Variants in REDIC1 observed in about 807,000 individuals in gnomAD.
REDIC1 encodes the protein HEI10 Interacting Protein 1.
chr12:39,795,242 A>C, the REDIC1 span, among the ~76,000 whole-genome samples: 1 of 151,260 alleles, frequency 6.6e-6, no homozygotes, highest in African/African-American at 2.4e-5. Flanking sequence ...TGTTTCTTTG[A>C]GTTTCATTCA....
At chr12:39,670,037 GGA>G in the REDIC1 span, among the ~76,000 whole-genome samples, 1 of 152,160 alleles carries the variant, frequency 6.6e-6, no homozygotes, top group African/African-American at 2.4e-5. Context: ...GGCTCACTCT[GGA>G]TGCTGCCCCC....
the REDIC1 span, among the ~76,000 whole-genome samples, chr12:39,752,146 A>G: frequency 6.6e-6 from 1 of 152,200 alleles, no homozygotes; most frequent in Non-Finnish European, 1.5e-5. Flanking sequence ...CATGCAGTGT[A>G]TCTTCTAGCG....
the REDIC1 span, among the ~76,000 whole-genome samples, chr12:39,727,139 A>T: frequency 6.6e-6 from 1 of 151,408 alleles, no homozygotes; most frequent in Non-Finnish European, 1.5e-5. Flanking sequence ...TGCTGTGCAG[A>T]AGCTCTTTAG....
chr12:39,686,156 G>A, the REDIC1 span, among the ~76,000 whole-genome samples: 325 of 152,272 alleles, frequency 2.1e-3, no homozygotes, highest in African/African-American at 6.1e-3. Flanking sequence ...GAAGGATGGC[G>A]GTCTTCTTCT....
At chr12:39,776,559 G>A in the REDIC1 span, among the ~76,000 whole-genome samples, 2 of 152,344 alleles carry the variant, frequency 1.3e-5, no homozygotes, top group South Asian at 2.1e-4. Flanking sequence ...TTGAATGACA[G>A]AGAAGCCTGT....
the REDIC1 span, among the ~76,000 whole-genome samples, chr12:39,711,721 GCACA>G: frequency 3.1e-3 from 332 of 105,782 alleles, 19 homozygotes; most frequent in African/African-American, 0.012. Context: ...GCATGTGTAT[GCACA>G]TGCATGTGTG....
the REDIC1 span, among the ~76,000 whole-genome samples, chr12:39,730,078 A>C: frequency 3.3e-5 from 5 of 152,160 alleles, no homozygotes; most frequent in African/African-American, 1.2e-4. Flanking sequence ...AGTCTCCTGA[A>C]TACAGCACAC....
the REDIC1 span, among the ~76,000 whole-genome samples, chr12:39,814,247 T>C: frequency 6.6e-6 from 1 of 152,198 alleles, no homozygotes; most frequent in Non-Finnish European, 1.5e-5. Flanking sequence ...GGAAATGAGC[T>C]ACAGATGTAG....
the REDIC1 span, among the ~76,000 whole-genome samples, chr12:39,845,157 T>G: frequency 6.6e-6 from 1 of 152,192 alleles, no homozygotes; most frequent in East Asian, 1.9e-4. Flanking sequence ...CACGTTGCCT[T>G]TAATATATTT....
chr12:39,628,632 A>T, the REDIC1 span, among the ~76,000 whole-genome samples: 7 of 152,136 alleles, frequency 4.6e-5, no homozygotes, highest in African/African-American at 1.7e-4. Context: ...CAGCAAATAT[A>T]TTTTTTACCT....
At chr12:39,711,530 T>C in the REDIC1 span, among the ~76,000 whole-genome samples, 33 of 136,870 alleles carry the variant, frequency 2.4e-4, no homozygotes, top group African/African-American at 6.6e-4. Context: ...TGTATATGTG[T>C]ATATACATAT....
chr12:39,725,243 C>T, the REDIC1 span, among the ~76,000 whole-genome samples: 1 of 152,062 alleles, frequency 6.6e-6, no homozygotes, highest in Non-Finnish European at 1.5e-5. Context: ...AATTGTCATT[C>T]CAAAATTGTG....
At chr12:39,872,363 G>A in the REDIC1 span, among the ~76,000 whole-genome samples, 6 of 152,178 alleles carry the variant, frequency 3.9e-5, no homozygotes, top group Non-Finnish European at 8.8e-5. Context: ...GTGAATTAAT[G>A]TCCTTAAAAG....
chr12:39,803,564 A>T, the REDIC1 span, among the ~76,000 whole-genome samples: 2 of 152,316 alleles, frequency 1.3e-5, no homozygotes, highest in South Asian at 4.1e-4. Flanking sequence ...ATACATACAC[A>T]CACATACACA....
At chr12:39,658,113 C>T in the REDIC1 span, among the ~76,000 whole-genome samples, 16 of 151,004 alleles carry the variant, frequency 1.1e-4, no homozygotes, top group African/African-American at 3.9e-4. Context: ...CAGTGTCTAG[C>T]TCTGTTGCGC....
At chr12:39,634,777 A>T in the REDIC1 span, among the ~76,000 whole-genome samples, 40 of 152,198 alleles carry the variant, frequency 2.6e-4, 1 homozygote, top group African/African-American at 8.2e-4. Flanking sequence ...AAGCCAAAAT[A>T]GACAAATGGG....
the REDIC1 span, among the ~76,000 whole-genome samples, chr12:39,713,668 C>G: frequency 1.1e-4 from 17 of 148,760 alleles, no homozygotes; most frequent in Admixed American, 1.1e-3. Context: ...TGCGTATATA[C>G]ATATGTATGT....
the REDIC1 span, among the ~76,000 whole-genome samples, chr12:39,788,114 G>A: frequency 2.0e-5 from 3 of 152,086 alleles, no homozygotes; most frequent in African/African-American, 7.2e-5. Flanking sequence ...GGAAACTTAT[G>A]TACTGTTGTT....
the REDIC1 span, among the ~76,000 whole-genome samples, chr12:39,668,873 C>A: frequency 6.6e-6 from 1 of 152,142 alleles, no homozygotes; most frequent in African/African-American, 2.4e-5. Flanking sequence ...GCATTCATCA[C>A]GCAGTTCTCA....
Sources: allele counts gnomAD v4.1 joint callset (sites outside exome capture counted in the v4.1 genomes callset), GRCh38; gene constraint gnomAD v4.1.1; transcripts MANE v1.5; gene names NCBI Gene and HGNC (gene_info 2026-07-23, HGNC 2026-07-21).